The following SRGAP2C variants were observed in gnomAD, a reference collection of about 807,000 sequenced individuals.
The protein encoded by SRGAP2C is SLIT-ROBO Rho GTPase activating protein 2C.
Under a neutral mutation model 25.1 loss-of-function variants are expected in SRGAP2C, and 15 were observed. That is an observed-to-expected ratio of 0.60 (90% CI 0.40 to 0.92). The LOEUF (loss-of-function observed/expected upper bound fraction) is 0.92. Ranked by LOEUF, SRGAP2C falls within the 40% of genes least tolerant of loss-of-function variation. The pLI, the probability that SRGAP2C is intolerant of heterozygous loss-of-function variation, is 0.00. For synonymous variants in SRGAP2C, 44 were observed against 96.6 expected, an observed-to-expected ratio of 0.46 and a Z score of 3.19; for missense variants, 144 against 264.4, an observed-to-expected ratio of 0.54 and a Z score of 3.16.
At chr1:121,308,934 T>C (rs1657913007) in intron 3 of SRGAP2C, among the ~76,000 whole-genome samples, 7 of 40,940 alleles carry the variant, frequency 1.7e-4, no homozygotes, top group Non-Finnish European at 2.4e-4. Context: ...AGTGAAACTC[T>C]GTCTCAAAAA....
intron 4 of SRGAP2C, among the ~76,000 whole-genome samples, chr1:121,336,066 C>G (rs1398425941): frequency 6.6e-6 from 1 of 151,766 alleles, no homozygotes; most frequent in East Asian, 2.0e-4. Flanking sequence ...CATGGCCTTT[C>G]TGGGGTTTCC....
intron 4 of SRGAP2C, among the ~76,000 whole-genome samples, chr1:121,328,097 T>G (rs1167295133): frequency 1.3e-5 from 2 of 151,948 alleles, no homozygotes; most frequent in Non-Finnish European, 2.9e-5. Flanking sequence ...GATATAGGTG[T>G]GGAGAGGGCT....
intron 4 of SRGAP2C, among the ~76,000 whole-genome samples, chr1:121,350,468 G>C (rs1308025798): frequency 1.3e-5 from 2 of 151,202 alleles, no homozygotes; most frequent in Admixed American, 6.6e-5. Flanking sequence ...AAAGCTAAGA[G>C]AAACAGCTAG....
At position 121,392,018 on chromosome 1, in the gene SRGAP2C, A is replaced by G. The variant is rs1660107168; in HGVS notation, c.*4163A>G. ...AGGAATATCAGCAAAGAGATAACAAATTCTGGAGTGGAAAACTACAATGAT... is the reference window on the plus strand; with the variant it reads ...AGGAATATCAGCAAAGAGATAACAAGTTCTGGAGTGGAAAACTACAATGAT... On this transcript the variant is annotated 3_prime_UTR_variant, in exon 10 of 10. Transcript: ENST00000367123. 6.6e-6 allele frequency: 1 copy of G among 152,186 alleles called. No homozygotes were observed. The highest frequency in any genetic ancestry group is 1.5e-5 in the Non-Finnish European group (1 of 68,026). The allele number at this position is 152,186 out of a possible 1,614,324, so 9.4% of individuals were successfully genotyped here.
intron 8 of SRGAP2C, 146 bp downstream of exon 8, chr1:121,383,071 GCAAA>G (rs1189542850): frequency 1.7e-6 from 1 of 589,430 alleles, no homozygotes; most frequent in Non-Finnish European, 3.0e-6. Flanking sequence ...CACTTATTGA[GCAAA>G]CAGTTAGTGA....
chr1:121,335,460 A>T (rs1397698076), intron 4 of SRGAP2C, among the ~76,000 whole-genome samples: 1 of 95,084 alleles, frequency 1.1e-5, no homozygotes, highest in African/African-American at 4.1e-5. Flanking sequence ...TTTATTTCAG[A>T]TTTTTTTTTT....
intron 7 of SRGAP2C, among the ~76,000 whole-genome samples, chr1:121,377,400 C>CTGG (rs1192314477): frequency 1.5e-5 from 1 of 68,632 alleles, no homozygotes; most frequent in African/African-American, 6.7e-5. Context: ...TCCCGAGTAG[C>CTGG]TGGGACTACA....
intron 8 of SRGAP2C, among the ~76,000 whole-genome samples, chr1:121,384,791 C>A (rs1286122358): frequency 1.3e-5 from 2 of 151,908 alleles, no homozygotes; most frequent in East Asian, 1.9e-4. Context: ...AAGTGTATTA[C>A]CTTGCACCCT....
chr1:121,263,061 T>A, intron 2 of SRGAP2C, among the ~76,000 whole-genome samples: 1 of 152,010 alleles, frequency 6.6e-6, no homozygotes. Context: ...AACATAGTAA[T>A]AAGAATTTGA....
intron 2 of SRGAP2C, among the ~76,000 whole-genome samples, chr1:121,231,697 C>T (rs1558088098): frequency 6.7e-6 from 1 of 148,580 alleles, no homozygotes. Flanking sequence ...ATAACAGAGC[C>T]TAGAGAAAGT....
At position 121,201,868 on chromosome 1, in the gene SRGAP2C, G is replaced by A. The variant is rs181405899; in HGVS notation, c.67+14355G>A. 2.4e-3 allele frequency among the ~76,000 whole-genome samples: 368 copies of A among 152,328 alleles called. 1 individual carries two copies. Among genetic ancestry groups the A allele is most frequent in the Admixed American group, 5.3e-3 (81 of 15,300 alleles). On this transcript the variant is annotated intron_variant, in intron 2 of 9. Coordinates refer to ENST00000367123, the MANE Select transcript of SRGAP2C (RefSeq NM_001329984.2). ...ATGCTTGAAACTATTTGGAGTAGGAGTGAGGAGCTAGCATTGTTTTCAGGG... is the reference window on the plus strand; with the variant it reads ...ATGCTTGAAACTATTTGGAGTAGGAATGAGGAGCTAGCATTGTTTTCAGGG...
At chr1:121,349,151 GA>G (rs1279814538) in intron 4 of SRGAP2C, among the ~76,000 whole-genome samples, 1 of 150,970 alleles carries the variant, frequency 6.6e-6, no homozygotes, top group East Asian at 2.0e-4. Flanking sequence ...GGGAACGATG[GA>G]AGACCTACTC....
At chr1:121,224,906 TAGAG>T (rs1655628762) in intron 2 of SRGAP2C, among the ~76,000 whole-genome samples, 1 of 141,886 alleles carries the variant, frequency 7.0e-6, no homozygotes, top group Non-Finnish European at 1.5e-5. Flanking sequence ...GTCTCTAACC[TAGAG>T]AACAGGAAAC....
chr1:121,339,146 C>T (rs1189218058), intron 4 of SRGAP2C, among the ~76,000 whole-genome samples: 1 of 150,938 alleles, frequency 6.6e-6, no homozygotes, highest in African/African-American at 2.4e-5. Context: ...TTTATCATGT[C>T]ATTGCATCTT....
At chr1:121,313,877 C>G (rs1258744861) in intron 3 of SRGAP2C, among the ~76,000 whole-genome samples, 2 of 131,766 alleles carry the variant, frequency 1.5e-5, no homozygotes, top group Non-Finnish European at 3.3e-5. Flanking sequence ...TTCATTTCAA[C>G]TTTGGTGAAT....
chr1:121,204,661 C>T (rs1481395107), intron 2 of SRGAP2C, among the ~76,000 whole-genome samples: 3 of 152,004 alleles, frequency 2.0e-5, no homozygotes, highest in Non-Finnish European at 4.4e-5. Context: ...TCTGTTTACT[C>T]ATTGTTGACG....
intron 2 of SRGAP2C, among the ~76,000 whole-genome samples, chr1:121,263,625 A>G (rs1467903013): frequency 6.6e-6 from 1 of 151,744 alleles, no homozygotes; most frequent in East Asian, 1.9e-4. Context: ...CACCAGCTCC[A>G]GGCTGATTCA....
chr1:121,314,506 G>A (rs1232710635), intron 3 of SRGAP2C, among the ~76,000 whole-genome samples: 23 of 152,224 alleles, frequency 1.5e-4, no homozygotes, highest in Admixed American at 2.6e-4. Context: ...GGCGCTCTGC[G>A]TTTTAGAGTT....
intron 6 of SRGAP2C, among the ~76,000 whole-genome samples, chr1:121,374,522 G>T (rs587677255): frequency 1.3e-5 from 2 of 152,260 alleles, no homozygotes; most frequent in East Asian, 3.9e-4. Flanking sequence ...CAGGTATCAG[G>T]TGTTCAGGGG....
Sources: allele counts gnomAD v4.1 joint callset (sites outside exome capture counted in the v4.1 genomes callset), GRCh38; gene constraint gnomAD v4.1.1; transcripts MANE v1.5; gene names NCBI Gene and HGNC (gene_info 2026-07-23, HGNC 2026-07-21).